SSUH2: variants seen among roughly 807,000 people sequenced by gnomAD.
The protein encoded by SSUH2 is ssu-2 homolog.
In SSUH2, 47 loss-of-function variants were observed where a neutral mutation model predicts 55.3. The ratio of observed to expected loss-of-function variants is 0.85; its 90% CI spans 0.67 to 1.08. The LOEUF (loss-of-function observed/expected upper bound fraction) is 1.08, where lower values mean the gene tolerates loss of function less well. Among genes scored for constraint, SSUH2 ranks in the 50% least tolerant of loss-of-function variants. SSUH2 has a pLI of 0.00. For synonymous variants in SSUH2, 212 were observed against 191.5 expected, an observed-to-expected ratio of 1.11 and a Z score of -0.89; for missense variants, 535 against 490.7, an observed-to-expected ratio of 1.09 and a Z score of -0.85.
At position 8,669,842 on chromosome 3, in the gene SSUH2, G is replaced by A. The variant is rs1704350715; in HGVS notation, c.-455+1156C>T. On this transcript the variant is annotated intron_variant, in intron 5 of 18. Coordinates refer to the SSUH2 transcript ENST00000317371. ...TCAGGGTCATAAAAGGACAAGTACA[G>A]GTTGAGGAACTGTCACAGATCGGAG... 1.3e-5 allele frequency among the ~76,000 whole-genome samples: 2 copies of A among 152,050 alleles called. 1 individual carries two copies. Among genetic ancestry groups the A allele is most frequent in the Admixed American group, 1.3e-4 (2 of 15,250 alleles).
intron 1 of SSUH2, among the ~76,000 whole-genome samples, chr3:8,641,728 C>T (rs1700883917): frequency 6.6e-6 from 1 of 152,360 alleles, no homozygotes. Flanking sequence ...GTGTGAAAAA[C>T]ACTGAGATCC....
At chr3:8,624,773 G>A (rs1020460337) in intron 10 of SSUH2, among the ~76,000 whole-genome samples, 3 of 152,158 alleles carry the variant, frequency 2.0e-5, no homozygotes, top group Non-Finnish European at 4.4e-5. Flanking sequence ...CAGGCAGTGG[G>A]CTGGGTGTGC....
At chr3:8,641,326 A>G (rs2125252512) in intron 1 of SSUH2, among the ~76,000 whole-genome samples, 1 of 152,340 alleles carries the variant, frequency 6.6e-6, no homozygotes. Context: ...CCCAGCAATG[A>G]CCACAGCACA....
intron 9 of SSUH2, 59 bp downstream of exon 9, chr3:8,626,170 C>G (rs1205544589): frequency 9.3e-6 from 13 of 1,404,444 alleles, no homozygotes; most frequent in Non-Finnish European, 1.3e-5. Context: ...AGAAGCCAGT[C>G]CAGGGCTAAG....
rs555157165 is a variant in SSUH2, at chr3:8,679,380, C to T, written c.-901+325G>A. On this transcript the variant is annotated intron_variant, in intron 2 of 18. Coordinates refer to the SSUH2 transcript ENST00000317371. ...CCCATCGCATTGGCGGGAGGCATCC[C>T]CCAGGAGGAGGGGACTGAGAGCCAG... is the stretch of plus-strand genomic sequence containing the variant. Among the ~76,000 whole-genome samples the T allele has an allele frequency of 4.2e-3, 454 of 107,274 alleles. 47 individuals carry two copies. The highest frequency in any genetic ancestry group is 0.013 in the African/African-American group (429 of 34,130). The allele number at this position is 107,274 out of a possible 152,430, so 70.4% of individuals were successfully genotyped here.
intron 4 of SSUH2, 35 bp from the exon 5 acceptor site, chr3:8,632,144 C>A (rs1288088782): frequency 1.3e-6 from 2 of 1,577,748 alleles, no homozygotes; most frequent in South Asian, 1.1e-5. Context: ...CACACTCGTG[C>A]CCCTTATGAA....
At chr3:8,673,081 C>T in intron 3 of SSUH2, among the ~76,000 whole-genome samples, 1 of 151,932 alleles carries the variant, frequency 6.6e-6, no homozygotes, top group South Asian at 2.1e-4. Flanking sequence ...ATTAAGAAAT[C>T]ATTGCTAATA....
intron 7 of SSUH2, among the ~76,000 whole-genome samples, chr3:8,656,599 A>G (rs1248472613): frequency 4.0e-5 from 6 of 151,886 alleles, no homozygotes; most frequent in African/African-American, 1.5e-4. Flanking sequence ...GGAAGACACA[A>G]CCCCTGCCCA....
At chr3:8,654,391 G>A (rs1054724916) in intron 7 of SSUH2, among the ~76,000 whole-genome samples, 6 of 152,298 alleles carry the variant, frequency 3.9e-5, no homozygotes, top group South Asian at 2.1e-4. Flanking sequence ...AATCACCCAC[G>A]TCATCTCAGT....
At chr3:8,633,595 C>T (rs1699307436) in intron 4 of SSUH2, 71 bp downstream of exon 4, 1 of 1,294,548 alleles carries the variant, frequency 7.7e-7, no homozygotes, top group South Asian at 1.6e-5. Flanking sequence ...CACAAACAGG[C>T]CTCCACTGTC....
chr3:8,640,516 T>C (rs1018680386), intron 1 of SSUH2, among the ~76,000 whole-genome samples: 1 of 152,120 alleles, frequency 6.6e-6, no homozygotes, highest in Non-Finnish European at 1.5e-5. Context: ...AGGATTCTCA[T>C]CTGCCCACAT....
At chr3:8,665,381 G>A (rs1703901215) in intron 5 of SSUH2, among the ~76,000 whole-genome samples, 1 of 152,140 alleles carries the variant, frequency 6.6e-6, no homozygotes, top group Non-Finnish European at 1.5e-5. Flanking sequence ...ATCAGCCAAA[G>A]ACAACCATGT....
chr3:8,650,940 G>A (rs1267464767), intron 7 of SSUH2, among the ~76,000 whole-genome samples: 6 of 152,192 alleles, frequency 3.9e-5, no homozygotes, highest in African/African-American at 1.2e-4. Flanking sequence ...GTTTTAAATC[G>A]TGGCTCCTGG....
chr3:8,679,417 C>T (rs1456395317), intron 2 of SSUH2, among the ~76,000 whole-genome samples: 30 of 140,044 alleles, frequency 2.1e-4, no homozygotes, highest in East Asian at 7.1e-4. Context: ...CCCTCTTCCC[C>T]CCCTGGCTCT....
rs1699751035 is a variant in SSUH2, at chr3:8,635,395, G to C, written c.128-14C>G. On this transcript the variant is annotated splice_polypyrimidine_tract_variant and intron_variant, in intron 2 of 11. Coordinates refer to ENST00000544814, the MANE Select transcript of SSUH2 (RefSeq NM_001256748.3). ...ATATCTGTCCTCCTGGAGAAGGGAAGAGTCAGGGGCTGGACAGCCCAGGCC... is the reference window on the plus strand; with the variant it reads ...ATATCTGTCCTCCTGGAGAAGGGAACAGTCAGGGGCTGGACAGCCCAGGCC... 5.9e-6 allele frequency: 9 copies of C among 1,531,708 alleles called. No homozygotes were observed. The highest frequency in any genetic ancestry group is 7.9e-6 in the Non-Finnish European group (9 of 1,143,054). The allele number at this position is 1,531,708 out of a possible 1,614,324, so 94.9% of individuals were successfully genotyped here.
At chr3:8,625,478 C>G (rs1041708989) in intron 10 of SSUH2, 64 bp downstream of exon 10, 2 of 1,014,454 alleles carry the variant, frequency 2.0e-6, no homozygotes, top group South Asian at 1.4e-5. Context: ...GCTAGCAGCC[C>G]CAGGCCCACG....
intron 5 of SSUH2, among the ~76,000 whole-genome samples, chr3:8,670,549 T>A (rs1024590387): frequency 1.3e-5 from 2 of 151,964 alleles, no homozygotes; most frequent in Non-Finnish European, 2.9e-5. Flanking sequence ...ACGTATGTCA[T>A]ACACCCCCGG....
intron 5 of SSUH2, among the ~76,000 whole-genome samples, 153 bp from the exon 6 acceptor site, chr3:8,631,082 G>A (rs546205947): frequency 2.4e-4 from 36 of 152,318 alleles, no homozygotes; most frequent in African/African-American, 7.7e-4. Flanking sequence ...TTCCTTGGAG[G>A]CAGTGACTAA....
intron 7 of SSUH2, among the ~76,000 whole-genome samples, chr3:8,650,027 C>A (rs1224085566): frequency 6.6e-6 from 1 of 152,194 alleles, no homozygotes; most frequent in Non-Finnish European, 1.5e-5. Flanking sequence ...ACACCAAGCA[C>A]ATTCCCACCT....
Sources: gnomAD v4.1 joint callset for allele counts (sites outside exome capture counted in the v4.1 genomes callset) on GRCh38, gnomAD v4.1.1 for gene constraint, MANE v1.5 for transcripts, NCBI Gene and HGNC (gene_info 2026-07-23, HGNC 2026-07-21) for gene names.